Variants in PUM2 observed in about 807,000 individuals in gnomAD.
PUM2 encodes pumilio homolog 2.
In PUM2, 57 loss-of-function variants were observed where a neutral mutation model predicts 124.5. That is an observed-to-expected ratio of 0.46 (90% confidence interval 0.37 to 0.57). The LOEUF (loss-of-function observed/expected upper bound fraction) is 0.57, where lower values mean the gene tolerates loss of function less well. PUM2 is among the 20% of genes least tolerant of loss of function. PUM2 has a pLI of 0.00. For synonymous variants in PUM2, 460 were observed against 446.1 expected, an observed-to-expected ratio of 1.03 and a Z score of -0.39; for missense variants, 1,065 against 1,290.6, an observed-to-expected ratio of 0.83 and a Z score of 2.68.
chr2:20,294,490 G>C lies in PUM2; in HGVS notation c.1038C>G (p.Tyr346Ter). ...CTGGATACACCCCCCATGGAACGCC[G>C]TAATACTGAGGTGGAACCACTGCTG... The part of the protein sequence containing the change: ...AGPAVVPPQY[Y>*]GVPWGVYPAN... Residue 346 changes from tyrosine to a stop codon, truncating the protein, a stop_gained, in exon 9 of 21, where the codon TAC becomes TAG. Coordinates refer to ENST00000361078, the MANE Select transcript of PUM2 (RefSeq NM_015317.5). LOFTEE classifies it high-confidence loss of function. 1 of 1,613,974 alleles carries C rather than the reference G, an allele frequency of 6.2e-7. No individual in the cohort carries two copies. The highest frequency in any genetic ancestry group is 8.5e-7 in the Non-Finnish European group (1 of 1,179,992).
chr2:20,347,523 T>A (rs1254011780), intron 1 of PUM2, among the ~76,000 whole-genome samples: 1 of 152,200 alleles, frequency 6.6e-6, no homozygotes, highest in Admixed American at 6.5e-5. Context: ...TTCCACTTTT[T>A]CAACTACAAA....
intron 1 of PUM2, 164 bp downstream of exon 1, chr2:20,350,433 C>T (rs902135528): frequency 1.0e-6 from 1 of 954,906 alleles, no homozygotes. Context: ...CCTCCCCCTG[C>T]ATTGTGCGAG....
intron 2 of PUM2, among the ~76,000 whole-genome samples, chr2:20,324,249 A>G (rs1683130397): frequency 6.6e-6 from 1 of 152,166 alleles, no homozygotes; most frequent in South Asian, 2.1e-4. Flanking sequence ...GATCTAGGAG[A>G]AAACACAAGT....
chr2:20,278,746 A>T lies in PUM2; in HGVS notation c.1794T>A (p.Ser598=). The change falls in exon 13 of 21, where the codon TCT becomes TCA. Residue 598 remains serine (S), a synonymous_variant. Coordinates refer to ENST00000361078, the MANE Select transcript of PUM2 (RefSeq NM_015317.5). The stretch of plus-strand genomic sequence containing the variant: ...GCCCTATGGGTGCTAGGCTGCTACT[A>T]GATCTTTTGTACAAGTCAGAGCTAG... ...LSTSSDLYKR[S]SSSLAPIGQP... 5.0e-6 allele frequency: 8 copies of T among 1,613,672 alleles called. No homozygotes were observed. The highest frequency in any genetic ancestry group is 6.8e-6 in the Non-Finnish European group (8 of 1,179,714).
At chr2:20,273,269 A>C (rs1669456581) in intron 13 of PUM2, among the ~76,000 whole-genome samples, 1 of 152,246 alleles carries the variant, frequency 6.6e-6, no homozygotes. Context: ...TAGAATCCCC[A>C]CAATCATTGT....
intron 1 of PUM2, among the ~76,000 whole-genome samples, chr2:20,343,545 T>A (rs575748180): frequency 7.3e-4 from 111 of 152,346 alleles, no homozygotes; most frequent in African/African-American, 2.6e-3. Flanking sequence ...ACAATTCTCA[T>A]TAGCCAGAGA....
At chr2:20,315,770 C>T (rs1340237623) in intron 3 of PUM2, among the ~76,000 whole-genome samples, 2 of 140,862 alleles carry the variant, frequency 1.4e-5, no homozygotes, top group East Asian at 2.1e-4. Context: ...CGACAAGCCT[C>T]GGCAACATGG....
At position 20,290,656 on chromosome 2, in the gene PUM2, C is replaced by T. The variant is rs1334734072; in HGVS notation, c.1287G>A (p.Met429Ile). 6.2e-7 allele frequency: 1 copy of T among 1,608,212 alleles called. No homozygotes were observed. Among genetic ancestry groups the T allele is most frequent in the Non-Finnish European group, 8.5e-7 (1 of 1,178,234 alleles). Residue 429 changes from methionine (M) to isoleucine (I), a missense_variant, in exon 10 of 21, where the codon ATG (methionine) becomes ATA (isoleucine). Coordinates refer to ENST00000361078, the MANE Select transcript of PUM2 (RefSeq NM_015317.5). The stretch of plus-strand genomic sequence containing the variant: ...CACAAATGACCAATTGTATACCTGG[C>T]ATGCCAGTAGCAAGACCCTGACCAA... ...LAFGQGLATG[M>I]PGYQVLAPTA...
chr2:20,278,888 C>A (rs1034059417), intron 12 of PUM2, 69 bp from the exon 13 acceptor site: 2 of 1,130,636 alleles, frequency 1.8e-6, no homozygotes, highest in Non-Finnish European at 2.6e-6. Context: ...CCCCAACTCT[C>A]GCTGGGCAAT....
chr2:20,350,738 C>T lies in PUM2; in HGVS notation c.-160G>A, dbSNP rs1362140146. On this transcript the variant is annotated 5_prime_UTR_variant, in exon 1 of 21. Coordinates refer to ENST00000361078, the MANE Select transcript of PUM2 (RefSeq NM_015317.5). ...TCCACCTACCACCCTCCCCCCCCACCCCACCTCCTCCTTCTCCTCCCCCTC... is the reference window on the plus strand; with the variant it reads ...TCCACCTACCACCCTCCCCCCCCACTCCACCTCCTCCTTCTCCTCCCCCTC... 1.0e-6 allele frequency: 1 copy of T among 976,438 alleles called. No individual in the cohort carries two copies. The highest frequency in any genetic ancestry group is 1.8e-5 in the African/African-American group (1 of 55,352). 60.5% of individuals were successfully genotyped at this position (976,438 alleles called of 1,614,324 possible).
Position 20,320,600 on chromosome 2 carries a change from T to A in PUM2, c.52-1955A>T, listed in dbSNP as rs539859944. 1.4e-3 allele frequency among the ~76,000 whole-genome samples: 213 copies of A among 152,076 alleles called. 2 individuals carry two copies. The highest frequency in any genetic ancestry group is 2.2e-3 in the Non-Finnish European group (147 of 67,962). On this transcript the variant is annotated intron_variant, in intron 2 of 20. Transcript: ENST00000361078. ...AATTAAAAAAAAAACTCCATTTTTT[T>A]AAAAAAAGTTTTTAAATGCTAGGAT...
chr2:20,279,896 CTTT>C (rs1481993278), intron 12 of PUM2, among the ~76,000 whole-genome samples: 3 of 152,148 alleles, frequency 2.0e-5, no homozygotes, highest in African/African-American at 7.2e-5. Context: ...GCACTAGCCT[CTTT>C]TAACTGAATA....
chr2:20,310,985 T>C (rs1032188686), intron 5 of PUM2, among the ~76,000 whole-genome samples: 2 of 152,094 alleles, frequency 1.3e-5, no homozygotes, highest in Admixed American at 1.3e-4. Context: ...CCCTATTTGC[T>C]ATTTGCAGGA....
intron 14 of PUM2, among the ~76,000 whole-genome samples, chr2:20,261,622 G>T (rs181780093): frequency 4.0e-5 from 6 of 151,770 alleles, no homozygotes; most frequent in African/African-American, 1.5e-4. Flanking sequence ...CAGCTCCATA[G>T]GTGTTGCTGC....
chr2:20,294,540 C>G (rs770569495), intron 8 of PUM2, 22 bp from the exon 9 acceptor site: 1 of 1,566,808 alleles, frequency 6.4e-7, no homozygotes, highest in South Asian at 1.2e-5. Flanking sequence ...ACCCGACCCC[C>G]GAATAAAAAG....
chr2:20,294,782 C>T (rs1675119403), intron 8 of PUM2, among the ~76,000 whole-genome samples: 1 of 152,132 alleles, frequency 6.6e-6, no homozygotes. Context: ...TAATGAATGC[C>T]AATTTTTGGG....
chr2:20,310,033 A>G (rs180812621), intron 5 of PUM2, among the ~76,000 whole-genome samples: 4 of 152,192 alleles, frequency 2.6e-5, no homozygotes, highest in African/African-American at 9.6e-5. Flanking sequence ...AAAATCAGCC[A>G]ATTTTTCTTT....
chr2:20,255,930 A>C (rs924574371), intron 17 of PUM2, 103 bp downstream of exon 17: 10 of 1,171,656 alleles, frequency 8.5e-6, no homozygotes, highest in Non-Finnish European at 9.2e-6. Context: ...ATTTTTGTAT[A>C]CAATTGCTGG....
intron 2 of PUM2, 34 bp downstream of exon 2, chr2:20,327,276 G>C: frequency 7.4e-7 from 1 of 1,359,234 alleles, no homozygotes; most frequent in Non-Finnish European, 1.0e-6. Context: ...AAAATAAAGT[G>C]AGGTGTAAGT....
Sources: allele counts gnomAD v4.1 joint callset (sites outside exome capture counted in the v4.1 genomes callset), GRCh38; gene constraint gnomAD v4.1.1; transcripts MANE v1.5; gene names NCBI Gene and HGNC (gene_info 2026-07-23, HGNC 2026-07-21).